HEATR5A: variants seen among roughly 807,000 people sequenced by gnomAD.
The protein encoded by HEATR5A is HEAT repeat-containing protein 5A.
A neutral mutation model predicts 218.8 loss-of-function variants in HEATR5A; 178 were observed. The ratio of observed to expected loss-of-function variants is 0.81; its 90% CI spans 0.72 to 0.92. HEATR5A has a LOEUF of 0.92. Among genes scored for constraint, HEATR5A ranks in the 40% least tolerant of loss-of-function variants. HEATR5A has a pLI of 0.00. For synonymous variants in HEATR5A, 864 were observed against 871.6 expected, an observed-to-expected ratio of 0.99 and a Z score of 0.15; for missense variants, 2,420 against 2,418.9, an observed-to-expected ratio of 1.00 and a Z score of -0.01.
chr14:31,309,968 G>A (rs1481926925), intron 28 of HEATR5A, among the ~76,000 whole-genome samples: 2 of 152,080 alleles, frequency 1.3e-5, no homozygotes, highest in African/African-American at 4.8e-5. Context: ...CTCCCAAAGT[G>A]CTGGGATTAC....
At chr14:31,294,404 A>C (rs909417197) in intron 34 of HEATR5A, among the ~76,000 whole-genome samples, 4 of 147,150 alleles carry the variant, frequency 2.7e-5, no homozygotes, top group Admixed American at 2.2e-4. Flanking sequence ...AAAAACAAAA[A>C]CACCACCAAA....
chr14:31,302,639 TAAA>T (rs984583167), intron 32 of HEATR5A, 120 bp from the exon 33 acceptor site: 1 of 670,454 alleles, frequency 1.5e-6, no homozygotes, highest in Admixed American at 2.9e-5. Context: ...TGATTTCTAA[TAAA>T]GAATTATAAC....
rs1275893588 is a variant in HEATR5A at position 31,293,967 on chromosome 14, G to A, written c.5757C>T (p.Asn1919=). The A allele has an allele frequency of 6.2e-7, 1 of 1,607,050 alleles. No individual in the cohort carries two copies. Among genetic ancestry groups the A allele is most frequent in the Non-Finnish European group, 8.5e-7 (1 of 1,176,532 alleles). The change falls in exon 35 of 36, where the codon AAC becomes AAT. Residue 1919 remains asparagine (N), a synonymous_variant. Coordinates refer to ENST00000543095, the MANE Select transcript of HEATR5A (RefSeq NM_015473.4). The part of the protein sequence containing the change: ...LQEIDKRKPE[N]TAELEIFQEG... ...CTTGGAAGATCTCAAGCTCAGCAGT[G>A]TTTTCAGGTTTTCTCTTGTCTATTT... is the stretch of plus-strand genomic sequence containing the variant.
chr14:31,310,427 G>T (rs1056550165), intron 28 of HEATR5A, among the ~76,000 whole-genome samples: 2 of 152,254 alleles, frequency 1.3e-5, no homozygotes, highest in South Asian at 2.1e-4. Flanking sequence ...ATCACCTGAG[G>T]TCAGGAACTC....
chr14:31,381,161 T>A (rs927933388), intron 10 of HEATR5A, among the ~76,000 whole-genome samples: 2 of 152,074 alleles, frequency 1.3e-5, no homozygotes, highest in Admixed American at 6.5e-5. Context: ...GGCAGAAGAA[T>A]CGCTTGAACC....
rs1183646285 is a variant in HEATR5A, at chr14:31,358,720, C to A, written c.2328G>T (p.Lys776Asn). The A allele has an allele frequency of 6.2e-7, 1 of 1,613,876 alleles. No homozygotes were observed. Among genetic ancestry groups the A allele is most frequent in the Admixed American group, 1.7e-5 (1 of 60,004 alleles). ...EKDVEGDSVP[K>N]PLPPALSVIS... Reference sequence around the variant, plus strand: ...TAACTGATAGTGCTGGAGGTAAGGGCTTAGGCACTGAATCTCCCTCTACAT... The same window carrying A: ...TAACTGATAGTGCTGGAGGTAAGGGATTAGGCACTGAATCTCCCTCTACAT... The change falls in exon 16 of 36, where the codon AAG (lysine) becomes AAT (asparagine). Residue 776 changes from lysine to asparagine, a missense_variant. By Grantham distance (94) the Lys-to-Asn change is moderately conservative. Coordinates refer to ENST00000543095, the MANE Select transcript of HEATR5A (RefSeq NM_015473.4).
chr14:31,387,430 T>TC, intron 7 of HEATR5A, 55 bp from the exon 8 acceptor site: 1 of 1,276,676 alleles, frequency 7.8e-7, no homozygotes, highest in Non-Finnish European at 1.1e-6. Flanking sequence ...TTCTGTATTC[T>TC]CCCCCACAAA....
Position 31,388,915 on chromosome 14 carries a change from A to T in HEATR5A, c.863T>A (p.Leu288His). 1 of 1,613,888 alleles carries T rather than the reference A, an allele frequency of 6.2e-7. No individual in the cohort carries two copies. Among genetic ancestry groups the T allele is most frequent in the South Asian group, 1.1e-5 (1 of 91,084 alleles). Reference protein sequence around the residue: ...TGFLRGSSGFLRASGDMLKGT... With the variant: ...TGFLRGSSGFHRASGDMLKGT... ...TTTCAGCATATCTCCACTGGCTCGA[A>T]GGAATCCTGAACTCCCACGTAGAAA... is the stretch of plus-strand genomic sequence containing the variant. The change falls in exon 7 of 36, where the codon CTT (leucine) becomes CAT (histidine). Residue 288 changes from leucine to histidine, a missense_variant. Coordinates refer to ENST00000543095, the MANE Select transcript of HEATR5A (RefSeq NM_015473.4).
In HEATR5A at chr14:31,293,440, A is replaced by G; in HGVS notation, c.6006T>C (p.Ser2002=). The change falls in exon 36 of 36, where the codon TCT becomes TCC. Residue 2002 remains serine, a synonymous_variant. Transcript: ENST00000543095. Reference sequence around the variant, plus strand: ...CCTCAAGGCGGGCTTTTAGGGCTGGAGAAGAAGCCACTAAACTTTTAAAAA... The same window carrying G: ...CCTCAAGGCGGGCTTTTAGGGCTGGGGAAGAAGCCACTAAACTTTTAAAAA... ...SSVFKSLVAS[S]PALKARLEAA... 1.2e-6 allele frequency: 2 copies of G among 1,613,918 alleles called. No homozygotes were observed. The highest frequency in any genetic ancestry group is 4.5e-5 in the East Asian group (2 of 44,878).
intron 11 of HEATR5A, among the ~76,000 whole-genome samples, chr14:31,377,221 G>C (rs1220884834): frequency 2.0e-5 from 3 of 151,488 alleles, no homozygotes; most frequent in African/African-American, 7.3e-5. Flanking sequence ...AGAAAATGTA[G>C]TGTAAAACCT....
chr14:31,350,776 GTT>G, intron 16 of HEATR5A, 59 bp from the exon 17 acceptor site: 2 of 808,068 alleles, frequency 2.5e-6, no homozygotes, highest in Non-Finnish European at 4.1e-6. Flanking sequence ...TTGTTTGTTT[GTT>G]TGTTTGTTTG....
intron 22 of HEATR5A, among the ~76,000 whole-genome samples, chr14:31,327,119 T>TGGCA (rs1447029485): frequency 1.3e-5 from 2 of 151,120 alleles, no homozygotes; most frequent in African/African-American, 4.9e-5. Context: ...GGACTACAGG[T>TGGCA]GCCTGCCACC....
At chr14:31,375,048 C>G in intron 11 of HEATR5A, 80 bp from the exon 12 acceptor site, 1 of 1,129,854 alleles carries the variant, frequency 8.9e-7, no homozygotes, top group Admixed American at 3.0e-5. Context: ...GCAGCAACTT[C>G]TCTCCTAAAC....
At chr14:31,353,649 T>C (rs1460710097) in intron 16 of HEATR5A, among the ~76,000 whole-genome samples, 1 of 152,112 alleles carries the variant, frequency 6.6e-6, no homozygotes, top group Non-Finnish European at 1.5e-5. Context: ...GGCAGGACGA[T>C]TGCTTGAGCT....
chr14:31,400,249 T>C (rs1408128019), intron 3 of HEATR5A, 52 bp downstream of exon 3: 1 of 1,237,542 alleles, frequency 8.1e-7, no homozygotes, highest in South Asian at 1.4e-5. Context: ...TTCATAAAAA[T>C]ACAACAGGAA....
chr14:31,316,704 G>GT (rs1316234417), intron 26 of HEATR5A, among the ~76,000 whole-genome samples: 2 of 152,052 alleles, frequency 1.3e-5, no homozygotes, highest in African/African-American at 2.4e-5. Flanking sequence ...TTTCTCTCTC[G>GT]TTTTTTGGGA....
In HEATR5A at chr14:31,347,140, A is replaced by G. The variant is rs2139211080; in HGVS notation, c.2868+608T>C. Among the ~76,000 whole-genome samples, 2 of 152,362 alleles carry G rather than the reference A, an allele frequency of 1.3e-5. 1 individual carries two copies. The highest frequency in any genetic ancestry group is 6.8e-3 in the Middle Eastern group (2 of 294). On this transcript the variant is annotated intron_variant, in intron 19 of 35. Coordinates refer to ENST00000543095, the MANE Select transcript of HEATR5A (RefSeq NM_015473.4). ...GACTAAAAGAATTACTATGAGACTTAGAAGAATGTATCGTAACACCTGGTA... is the reference window on the plus strand; with the variant it reads ...GACTAAAAGAATTACTATGAGACTTGGAAGAATGTATCGTAACACCTGGTA...
At chr14:31,367,569 A>ATTT (rs567217496) in intron 13 of HEATR5A, among the ~76,000 whole-genome samples, 6,645 of 60,318 alleles carry the variant, frequency 0.11, 1,426 homozygotes, top group African/African-American at 0.24. Context: ...TGCCCAGCTA[A>ATTT]TTTTTTTTTT....
At position 31,345,170 on chromosome 14, in the gene HEATR5A, A is replaced by C; in HGVS notation, c.2975T>G (p.Val992Gly). The stretch of plus-strand genomic sequence containing the variant: ...GTGAACTTCAGCATGAGTAGGAGGC[A>C]CATTTAACAACAACATTATAATAAG... Reference protein sequence around the residue: ...LSLIIMLLLNVPPTHAEVHQS... With the variant: ...LSLIIMLLLNGPPTHAEVHQS... Residue 992 changes from valine (V) to glycine (G), a missense_variant, in exon 20 of 36, where the codon GTG becomes GGG. Val to Gly is a moderately radical substitution (Grantham distance 109). Coordinates refer to ENST00000543095, the MANE Select transcript of HEATR5A (RefSeq NM_015473.4). 1 of 1,613,982 alleles carries C rather than the reference A, an allele frequency of 6.2e-7. No homozygotes were observed. The highest frequency in any genetic ancestry group is 2.2e-5 in the East Asian group (1 of 44,874).
Sources: allele counts gnomAD v4.1 joint callset (sites outside exome capture counted in the v4.1 genomes callset), GRCh38; gene constraint gnomAD v4.1.1; transcripts MANE v1.5; gene names NCBI Gene and HGNC (gene_info 2026-07-23, HGNC 2026-07-21).